The following MECOM variants were observed in gnomAD, a reference collection of about 807,000 sequenced individuals.
MECOM encodes the protein histone-lysine N-methyltransferase MECOM.
Under a neutral mutation model 116.3 loss-of-function variants are expected in MECOM, and 13 were observed. The ratio of observed to expected loss-of-function variants is 0.11; its 90% confidence interval spans 0.07 to 0.18. The LOEUF is 0.18. Among genes scored for constraint, MECOM ranks in the 10% least tolerant of loss-of-function variants. The pLI is 1.00. For missense variants in MECOM, 1,299 were observed against 1,509.0 expected (o/e 0.86, Z 2.31); for synonymous variants, 528 against 535.2 (o/e 0.99, Z 0.19).
rs145059950 is a variant in MECOM at position 169,207,535 on chromosome 3, G to A, written c.376-63703C>T. Among the ~76,000 whole-genome samples, 749 of 152,246 alleles carry A rather than the reference G, an allele frequency of 4.9e-3. 7 individuals are homozygous for A. The highest frequency in any genetic ancestry group is 0.017 in the African/African-American group (709 of 41,552). On this transcript the variant is annotated intron_variant, in intron 2 of 16. Coordinates refer to ENST00000651503, the MANE Select transcript of MECOM (RefSeq NM_004991.4). Reference sequence around the variant, plus strand: ...TTTATTTGCTTTCAGAATCCTGGTGGTACAGGTTTAAAGATCTAATTTTCT... The same window carrying A: ...TTTATTTGCTTTCAGAATCCTGGTGATACAGGTTTAAAGATCTAATTTTCT...
chr3:169,301,397 T>A (rs187199960), intron 2 of MECOM, among the ~76,000 whole-genome samples: 1 of 152,210 alleles, frequency 6.6e-6, no homozygotes, highest in Non-Finnish European at 1.5e-5. Context: ...AGAAAATATG[T>A]CTTTTATTTT....
intron 1 of MECOM, among the ~76,000 whole-genome samples, chr3:169,525,102 T>C (rs1002821289): frequency 1.1e-4 from 16 of 152,270 alleles, no homozygotes; most frequent in African/African-American, 3.6e-4. Context: ...AATAACGGAG[T>C]TTCTAATATC....
At chr3:169,632,098 C>G (rs1006566221) in intron 1 of MECOM, among the ~76,000 whole-genome samples, 1 of 152,040 alleles carries the variant, frequency 6.6e-6, no homozygotes, top group African/African-American at 2.4e-5. Flanking sequence ...ATATACAGAT[C>G]CAGCTTGAAC....
chr3:169,650,551 C>A (rs1028015556), intron 1 of MECOM, among the ~76,000 whole-genome samples: 11 of 152,082 alleles, frequency 7.2e-5, no homozygotes, highest in African/African-American at 2.7e-4. Flanking sequence ...TGGAATAATC[C>A]TGTAAGCTTG....
intron 1 of MECOM, among the ~76,000 whole-genome samples, chr3:169,529,231 G>T (rs1008930838): frequency 5.3e-5 from 8 of 151,326 alleles, no homozygotes; most frequent in African/African-American, 2.0e-4. Context: ...CAATCCACCA[G>T]GGACTATCAC....
chr3:169,528,543 T>C (rs950709657), intron 1 of MECOM, among the ~76,000 whole-genome samples: 3 of 152,246 alleles, frequency 2.0e-5, no homozygotes, highest in Non-Finnish European at 4.4e-5. Context: ...ATAATATTTT[T>C]TTAAAAAGGA....
At chr3:169,149,943 G>A (rs879280417) in intron 2 of MECOM, among the ~76,000 whole-genome samples, 1 of 71,772 alleles carries the variant, frequency 1.4e-5, no homozygotes, top group African/African-American at 4.0e-5. Flanking sequence ...CTCTGTGTGT[G>A]TGTGTGTGTG....
rs779964568 is a variant in MECOM, at chr3:169,216,676, CTT to C, written c.376-72846_376-72845del. On this transcript the variant is annotated intron_variant, in intron 2 of 16. Coordinates refer to ENST00000651503, the MANE Select transcript of MECOM (RefSeq NM_004991.4). ...CATTAAAATAATATTCATGAAAACA[CTT>C]TACAATATTGGGGGAAAGCCTTGTG... 7.3e-5 allele frequency among the ~76,000 whole-genome samples: 11 copies of C among 151,370 alleles called. No individual in the cohort carries two copies. In the East Asian group the frequency reaches 1.9e-3, roughly 27 times the overall value.
chr3:169,183,757 T>TAC (rs1746301748), intron 2 of MECOM, among the ~76,000 whole-genome samples: 6 of 84,540 alleles, frequency 7.1e-5, no homozygotes, highest in African/African-American at 2.0e-4. Context: ...AGAAGATACA[T>TAC]ACATACACAC....
chr3:169,407,989 C>A (rs1736964755), intron 1 of MECOM, among the ~76,000 whole-genome samples: 1 of 152,144 alleles, frequency 6.6e-6, no homozygotes, highest in Non-Finnish European at 1.5e-5. Flanking sequence ...TAGAGATCTG[C>A]ACCAACAGTG....
chr3:169,155,954 TG>T (rs1560290549), intron 2 of MECOM, among the ~76,000 whole-genome samples: 4 of 152,168 alleles, frequency 2.6e-5, no homozygotes, highest in African/African-American at 9.7e-5. Context: ...TTTTACAGTA[TG>T]TAATATTAAA....
chr3:169,329,473 C>A (rs1199077719), intron 2 of MECOM, among the ~76,000 whole-genome samples: 4 of 152,178 alleles, frequency 2.6e-5, no homozygotes. Context: ...GCCTGTTTGT[C>A]TGTGTGCAAA....
chr3:169,143,930 C>T (rs2149288592), intron 2 of MECOM, 98 bp from the exon 3 acceptor site: 2 of 1,327,198 alleles, frequency 1.5e-6, no homozygotes, highest in Non-Finnish European at 2.0e-6. Context: ...TATATTCCTT[C>T]TTTGGATCCT....
chr3:169,308,883 C>T (rs760106079), intron 2 of MECOM, among the ~76,000 whole-genome samples: 11 of 152,136 alleles, frequency 7.2e-5, no homozygotes, highest in Admixed American at 1.3e-4. Context: ...CATCGATGGA[C>T]ACTTCCAGAC....
chr3:169,114,331 A>G (rs1319627077), intron 8 of MECOM, among the ~76,000 whole-genome samples: 2 of 152,158 alleles, frequency 1.3e-5, no homozygotes, highest in African/African-American at 4.8e-5. Flanking sequence ...ATCATATTCA[A>G]ACGAGGGTAG....
At chr3:169,166,206 A>G (rs1213567225) in intron 2 of MECOM, among the ~76,000 whole-genome samples, 1 of 152,186 alleles carries the variant, frequency 6.6e-6, no homozygotes, top group Non-Finnish European at 1.5e-5. Flanking sequence ...AAAAATGCCA[A>G]TGGCTTTCTA....
chr3:169,319,245 A>T (rs1318122549), intron 2 of MECOM, among the ~76,000 whole-genome samples: 1 of 152,246 alleles, frequency 6.6e-6, no homozygotes, highest in Non-Finnish European at 1.5e-5. Flanking sequence ...CTATGCAGCC[A>T]TAAAAAGGAT....
At chr3:169,593,963 A>G (rs1292681791) in intron 1 of MECOM, among the ~76,000 whole-genome samples, 6 of 152,004 alleles carry the variant, frequency 3.9e-5, no homozygotes, top group African/African-American at 1.2e-4. Context: ...TACTAAAAAC[A>G]CAAAAAAATT....
intron 2 of MECOM, among the ~76,000 whole-genome samples, chr3:169,303,981 C>CA (rs1717239230): frequency 6.6e-6 from 1 of 152,116 alleles, no homozygotes; most frequent in African/African-American, 2.4e-5. Context: ...TGGTTGCTTT[C>CA]AAAAAATATG....
Sources: allele counts gnomAD v4.1 joint callset (sites outside exome capture counted in the v4.1 genomes callset), GRCh38; gene constraint gnomAD v4.1.1; transcripts MANE v1.5; gene names NCBI Gene and HGNC (gene_info 2026-07-23, HGNC 2026-07-21).